Variants in CNTN5 observed in about 807,000 individuals in gnomAD.
CNTN5 encodes the protein contactin-5.
CNTN5 carries 77 observed loss-of-function variants against 129.1 expected under a neutral mutation model. The observed-to-expected ratio is 0.60, with a 90% CI of 0.50 to 0.72. The LOEUF is 0.72. CNTN5 is among the 30% of genes least tolerant of loss of function. CNTN5 has a pLI of 0.00. For synonymous variants in CNTN5, 509 were observed against 465.6 expected, an observed-to-expected ratio of 1.09 and a Z score of -1.20; for missense variants, 1,478 against 1,328.8, an observed-to-expected ratio of 1.11 and a Z score of -1.75.
chr11:99,454,769 A>C (rs946894422), intron 2 of CNTN5, among the ~76,000 whole-genome samples: 7 of 152,186 alleles, frequency 4.6e-5, no homozygotes, highest in African/African-American at 1.7e-4. Flanking sequence ...TGATAACATT[A>C]TAAATTTTTA....
intron 1 of CNTN5, among the ~76,000 whole-genome samples, chr11:99,100,947 A>T (rs1866701721): frequency 1.3e-5 from 2 of 152,196 alleles, no homozygotes; most frequent in Non-Finnish European, 2.9e-5. Flanking sequence ...AATTAATATG[A>T]TTGTATTAGT....
At position 100,037,152 on chromosome 11, in the gene CNTN5, TA is replaced by T. The variant is rs1335910539; in HGVS notation, c.981-24058del. On this transcript the variant is annotated intron_variant, in intron 9 of 24. Coordinates refer to ENST00000524871, the MANE Select transcript of CNTN5 (RefSeq NM_014361.4). ...TTTTGAGATACGTTCCATCAATACC[TA>T]ATTTATTAAGAGTTTTTAGCATGAA... Among the ~76,000 whole-genome samples, 3 of 139,868 alleles carry T rather than the reference TA, an allele frequency of 2.1e-5. No homozygotes were observed. The East Asian group carries it at 6.6e-4, about 31-fold the overall frequency. The allele number at this position is 139,868 out of a possible 152,430, so 91.8% of individuals were successfully genotyped here.
intron 3 of CNTN5, among the ~76,000 whole-genome samples, chr11:99,594,163 T>G (rs1343678851): frequency 6.6e-6 from 1 of 152,230 alleles, no homozygotes; most frequent in African/African-American, 2.4e-5. Flanking sequence ...CAGCAGATAG[T>G]GTTGCTTTAT....
chr11:99,190,404 A>G (rs1308329149), intron 1 of CNTN5, among the ~76,000 whole-genome samples: 2 of 151,602 alleles, frequency 1.3e-5, no homozygotes, highest in Non-Finnish European at 3.0e-5. Context: ...TTCTATACAA[A>G]CTGTAAGATT....
intron 2 of CNTN5, among the ~76,000 whole-genome samples, chr11:99,360,926 A>G (rs1332017724): frequency 2.0e-5 from 3 of 152,306 alleles, no homozygotes; most frequent in Admixed American, 6.5e-5. Flanking sequence ...TAAGCAGTCA[A>G]GAGAAGACAT....
intron 1 of CNTN5, among the ~76,000 whole-genome samples, chr11:99,125,672 T>G (rs1858589686): frequency 6.6e-6 from 1 of 152,162 alleles, no homozygotes; most frequent in Non-Finnish European, 1.5e-5. Flanking sequence ...ACTACATTAT[T>G]TTAAATCCTA....
intron 3 of CNTN5, among the ~76,000 whole-genome samples, chr11:99,568,619 C>T (rs1365279807): frequency 6.6e-6 from 1 of 152,136 alleles, no homozygotes; most frequent in East Asian, 1.9e-4. Context: ...AGCAAGCAGA[C>T]ATAAGTGCGA....
At position 99,651,973 on chromosome 11, in the gene CNTN5, G is replaced by T. The variant is rs145789852; in HGVS notation, c.55+95704G>T. 3.3e-5 allele frequency among the ~76,000 whole-genome samples: 5 copies of T among 152,120 alleles called. No homozygotes were observed. The East Asian group carries it at 5.8e-4, about 18-fold the overall frequency. On this transcript the variant is annotated intron_variant, in intron 3 of 24. Transcript: ENST00000524871. The stretch of plus-strand genomic sequence containing the variant: ...GTTTTCTACTGCTGCATAACACGTT[G>T]CCACAAACTTGGCAGCACAAACACC...
intron 1 of CNTN5, among the ~76,000 whole-genome samples, chr11:99,269,438 T>C (rs2511799): frequency 1.1e-4 from 17 of 151,910 alleles, no homozygotes; most frequent in African/African-American, 3.9e-4. Flanking sequence ...CTGACCTGTT[T>C]GTTTGTTGCT....
rs988319382 is a variant in CNTN5, at chr11:100,332,495, A to G, written c.2731-7968A>G. 2.6e-5 allele frequency among the ~76,000 whole-genome samples: 4 copies of G among 152,280 alleles called. No homozygotes were observed. In the South Asian group the frequency reaches 8.3e-4, roughly 32 times the overall value. ...CCCTAAATCCTTCAATGAAGCCAGT[A>G]TCATCCTAATACCAAAACCAGGAAA... is the stretch of plus-strand genomic sequence containing the variant. On this transcript the variant is annotated intron_variant, in intron 21 of 24. Coordinates refer to ENST00000524871, the MANE Select transcript of CNTN5 (RefSeq NM_014361.4).
chr11:99,925,165 A>G (rs573475171), intron 7 of CNTN5, among the ~76,000 whole-genome samples: 31 of 152,202 alleles, frequency 2.0e-4, no homozygotes, highest in Non-Finnish European at 3.7e-4. Context: ...TTGTGGTGGT[A>G]TGCATATCCA....
intron 9 of CNTN5, among the ~76,000 whole-genome samples, chr11:100,059,560 T>C (rs146262401): frequency 6.6e-6 from 1 of 151,958 alleles, no homozygotes; most frequent in African/African-American, 2.4e-5. Context: ...TTCACAGAAA[T>C]GCAAATGCAA....
intron 21 of CNTN5, among the ~76,000 whole-genome samples, chr11:100,310,004 G>A (rs942155845): frequency 2.0e-5 from 3 of 151,830 alleles, no homozygotes; most frequent in South Asian, 2.1e-4. Flanking sequence ...GCCTTGCTGC[G>A]TGCATCAGGC....
chr11:100,342,792 A>G (rs1952195419), intron 23 of CNTN5, among the ~76,000 whole-genome samples: 3 of 152,168 alleles, frequency 2.0e-5, no homozygotes, highest in Admixed American at 6.6e-5. Context: ...GTATTATCAA[A>G]TATGTATTTT....
Position 100,070,333 on chromosome 11 carries a change from A to C in CNTN5, c.1163-91A>C. ...TATGGTTGAATGAATTGCTTTTAAA[A>C]AAATACGTTGAATTTTTCCATGTAA... On this transcript the variant is annotated intron_variant, in intron 10 of 24. Coordinates refer to ENST00000524871, the MANE Select transcript of CNTN5 (RefSeq NM_014361.4). The C allele has an allele frequency of 2.2e-6, 3 of 1,353,950 alleles. 1 individual carries two copies. The highest frequency in any genetic ancestry group is 3.0e-6 in the Non-Finnish European group (3 of 992,902). The allele number at this position is 1,353,950 out of a possible 1,614,324, so 83.9% of individuals were successfully genotyped here. A position where few individuals can be genotyped will look rare whatever the true frequency, so the allele number is the denominator to read the frequency against.
At chr11:100,050,933 T>C (rs545168590) in intron 9 of CNTN5, among the ~76,000 whole-genome samples, 1 of 152,228 alleles carries the variant, frequency 6.6e-6, no homozygotes, top group Non-Finnish European at 1.5e-5. Context: ...AGCTTTACAA[T>C]GTATGAAGCA....
intron 1 of CNTN5, among the ~76,000 whole-genome samples, chr11:99,075,658 C>T (rs1485528006): frequency 1.3e-5 from 2 of 151,888 alleles, no homozygotes; most frequent in African/African-American, 2.4e-5. Flanking sequence ...ACTTTATTTC[C>T]TTCTTTTCAT....
chr11:99,547,132 T>C (rs973712904), intron 2 of CNTN5, among the ~76,000 whole-genome samples: 1 of 151,524 alleles, frequency 6.6e-6, no homozygotes, highest in Non-Finnish European at 1.5e-5. Context: ...GCCTCCCAAG[T>C]AGCTGGGATT....
chr11:99,194,309 TAAAG>T (rs1858793316), intron 1 of CNTN5, among the ~76,000 whole-genome samples: 1 of 151,994 alleles, frequency 6.6e-6, no homozygotes, highest in Admixed American at 6.6e-5. Flanking sequence ...TTTTTAGGAA[TAAAG>T]AGAGACATTA....
Sources: allele counts gnomAD v4.1 joint callset (sites outside exome capture counted in the v4.1 genomes callset), GRCh38; gene constraint gnomAD v4.1.1; transcripts MANE v1.5; gene names NCBI Gene and HGNC (gene_info 2026-07-23, HGNC 2026-07-21).